Variants in MGRN1 observed in about 807,000 individuals in gnomAD.
MGRN1 encodes the protein E3 ubiquitin-protein ligase MGRN1.
MGRN1 carries 29 observed loss-of-function variants against 69.2 expected under a neutral mutation model. That is an observed-to-expected ratio of 0.42 (90% CI 0.31 to 0.57). The LOEUF (loss-of-function observed/expected upper bound fraction) is 0.57, where lower values mean the gene tolerates loss of function less well. Among genes scored for constraint, MGRN1 ranks in the 20% least tolerant of loss-of-function variants. The pLI is 0.15. For synonymous variants in MGRN1, 470 were observed against 344.2 expected (o/e 1.37, Z -4.04); for missense variants, 998 against 796.2 (o/e 1.25, Z -3.05).
chr16:4,668,188 C>A, intron 7 of MGRN1, 77 bp from the exon 8 acceptor site: 1 of 1,353,758 alleles, frequency 7.4e-7, no homozygotes, highest in Non-Finnish European at 1.0e-6. Flanking sequence ...GCAGGGTGGC[C>A]AACCCAGGCG....
chr16:4,629,900 G>A (rs1897908586), intron 1 of MGRN1, among the ~76,000 whole-genome samples: 1 of 151,676 alleles, frequency 6.6e-6, no homozygotes, highest in South Asian at 2.1e-4. Context: ...ACAAAAATGA[G>A]CTGGACGCAA....
intron 4 of MGRN1, 104 bp downstream of exon 4, chr16:4,652,928 T>C: frequency 7.3e-7 from 1 of 1,371,088 alleles, no homozygotes; most frequent in Non-Finnish European, 9.6e-7. Flanking sequence ...CAAACCGTGC[T>C]CTTTGACCAT....
At chr16:4,663,000 C>T (rs1353360735) in intron 5 of MGRN1, among the ~76,000 whole-genome samples, 1 of 152,210 alleles carries the variant, frequency 6.6e-6, no homozygotes, top group African/African-American at 2.4e-5. Flanking sequence ...GAGGCTCTCC[C>T]CTCACCCAAC....
chr16:4,648,240 C>G (rs1056643896), intron 1 of MGRN1, among the ~76,000 whole-genome samples: 3 of 151,778 alleles, frequency 2.0e-5, no homozygotes, highest in African/African-American at 7.3e-5. Flanking sequence ...CTCGGAGACT[C>G]TTCCCGTGGT....
chr16:4,650,461 TC>T lies in MGRN1; in HGVS notation c.187del (p.Leu63TrpfsTer19). On this transcript the variant is annotated frameshift_variant, in exon 2 of 17. Coordinates refer to ENST00000262370, the MANE Select transcript of MGRN1 (RefSeq NM_015246.4). LOFTEE classifies it high-confidence loss of function. ...TTTGGAGAGAACATGGATCTGAACT[TC>T]CTGGGCAGCCGCCCGGTCCAGGTGG... is the stretch of plus-strand genomic sequence containing the variant. ...YLFGENMDLN[F>X]LGSRPVQFPY... is the part of the protein sequence containing the mutation. 1 of 1,613,662 alleles carries T rather than the reference TC, an allele frequency of 6.2e-7. No individual in the cohort carries two copies.
intron 1 of MGRN1, among the ~76,000 whole-genome samples, chr16:4,646,071 C>G (rs146958721): frequency 6.6e-6 from 1 of 152,098 alleles, no homozygotes; most frequent in Non-Finnish European, 1.5e-5. Flanking sequence ...GCACTTCCTA[C>G]CTTACGGTGA....
chr16:4,625,677 C>G (rs1198735429), intron 1 of MGRN1, among the ~76,000 whole-genome samples: 2 of 152,210 alleles, frequency 1.3e-5, no homozygotes, highest in African/African-American at 4.8e-5. Context: ...GAAGTGACTG[C>G]CAAGATCTCA....
At chr16:4,687,213 C>G (rs1009116255) in intron 16 of MGRN1, 3 of 985,120 alleles carry the variant, frequency 3.0e-6, no homozygotes, top group South Asian at 9.4e-5. Flanking sequence ...CCCATCCCCC[C>G]CAAGAGGCGC....
rs1437601986 is a variant in MGRN1, at chr16:4,624,828, G to A, written c.-133G>A. ...GGTCCCCGGGCCGAGCCGGGGGTGGGGGCTCGAGGCGCCTCCGCGGCCGTG... is the reference window on the plus strand; with the variant it reads ...GGTCCCCGGGCCGAGCCGGGGGTGGAGGCTCGAGGCGCCTCCGCGGCCGTG... On this transcript the variant is annotated 5_prime_UTR_variant, in exon 1 of 17. Transcript: ENST00000262370. 2.5e-5 allele frequency: 16 copies of A among 633,992 alleles called. No homozygotes were observed. Among genetic ancestry groups the A allele is most frequent in the Non-Finnish European group, 3.7e-5 (16 of 433,008 alleles). The allele number at this position is 633,992 out of a possible 1,614,324, so 39.3% of individuals were successfully genotyped here.
intron 5 of MGRN1, chr16:4,664,365 G>C (rs1407790211): frequency 8.9e-6 from 3 of 338,840 alleles, no homozygotes; most frequent in African/African-American, 2.1e-5. Flanking sequence ...AGGAGGGGAT[G>C]GGGAGTGTGT....
chr16:4,686,115 T>TTGTGGTTCTC (rs2079310321), intron 16 of MGRN1: 1 of 996,958 alleles, frequency 1.0e-6, no homozygotes. Context: ...GTGGTTCTCC[T>TTGTGGTTCTC]TGTGGTTCTC....
chr16:4,641,585 C>T (rs141660951), intron 1 of MGRN1, among the ~76,000 whole-genome samples: 1 of 147,598 alleles, frequency 6.8e-6, no homozygotes, highest in Non-Finnish European at 1.5e-5. Context: ...GTGGTGCAGT[C>T]TCGGCTGACC....
intron 1 of MGRN1, among the ~76,000 whole-genome samples, chr16:4,630,994 A>AT (rs1186440282): frequency 1.3e-5 from 2 of 150,352 alleles, no homozygotes; most frequent in Non-Finnish European, 3.0e-5. Flanking sequence ...AAGTTTTTGT[A>AT]TTTTTTTTGT....
intron 7 of MGRN1, among the ~76,000 whole-genome samples, chr16:4,666,247 G>T (rs534781069): frequency 7.9e-5 from 12 of 152,182 alleles, no homozygotes; most frequent in Non-Finnish European, 1.5e-4. Context: ...TCCCACTTCA[G>T]CCTCCCGAGT....
intron 15 of MGRN1, 22 bp downstream of exon 15, chr16:4,683,291 C>G (rs545378269): frequency 3.1e-6 from 5 of 1,613,226 alleles, no homozygotes; most frequent in Non-Finnish European, 4.2e-6. Flanking sequence ...CTTCCATGGG[C>G]ACAAACCGCA....
At chr16:4,670,253 G>A (rs1403096550) in intron 8 of MGRN1, among the ~76,000 whole-genome samples, 1 of 151,716 alleles carries the variant, frequency 6.6e-6, no homozygotes, top group Non-Finnish European at 1.5e-5. Flanking sequence ...ATTTTGTTTT[G>A]TATTTTTGAG....
chr16:4,654,013 A>G (rs1254699723), intron 4 of MGRN1, among the ~76,000 whole-genome samples: 2 of 152,100 alleles, frequency 1.3e-5, no homozygotes, highest in African/African-American at 4.8e-5. Flanking sequence ...CGGCCTCCCA[A>G]AGTGCTGAGA....
chr16:4,633,353 C>T (rs962719254), intron 1 of MGRN1, among the ~76,000 whole-genome samples: 1 of 150,888 alleles, frequency 6.6e-6, no homozygotes, highest in Admixed American at 6.6e-5. Flanking sequence ...CACGCCACTG[C>T]ATTCCAGCCT....
At chr16:4,648,155 A>G in intron 1 of MGRN1, among the ~76,000 whole-genome samples, 1 of 152,144 alleles carries the variant, frequency 6.6e-6, no homozygotes, top group East Asian at 1.9e-4. Context: ...AGTCCCTGCA[A>G]TACGTGAGGT....
Sources: allele counts gnomAD v4.1 joint callset (sites outside exome capture counted in the v4.1 genomes callset), GRCh38; gene constraint gnomAD v4.1.1; transcripts MANE v1.5; gene names NCBI Gene and HGNC (gene_info 2026-07-23, HGNC 2026-07-21).